The following SLIT3 variants were observed in gnomAD, a reference collection of about 807,000 sequenced individuals.
SLIT3 encodes the protein slit guidance ligand 3, also known as slit homolog 3 protein.
In SLIT3, 68 loss-of-function variants were observed where a neutral mutation model predicts 184.0. The observed-to-expected ratio is 0.37, with a 90% CI of 0.30 to 0.45. The LOEUF is 0.45. Among genes scored for constraint, SLIT3 ranks in the 20% least tolerant of loss-of-function variants. The pLI is 1.00. For synonymous variants in SLIT3, 831 were observed against 828.6 expected (o/e 1.00, Z -0.05); for missense variants, 1,707 against 2,026.0 (o/e 0.84, Z 3.02).
chr5:169,032,599 GTT>G (rs5873142), intron 4 of SLIT3, among the ~76,000 whole-genome samples: 5 of 110,446 alleles, frequency 4.5e-5, no homozygotes, highest in Admixed American at 1.7e-4. Context: ...TTTTAGTTTC[GTT>G]TTTTTTTTTT....
chr5:168,927,879 T>C (rs1581218464), intron 4 of SLIT3, among the ~76,000 whole-genome samples: 1 of 152,224 alleles, frequency 6.6e-6, no homozygotes, highest in African/African-American at 2.4e-5. Context: ...AACTGAGACA[T>C]GTTTAACAGC....
intron 4 of SLIT3, among the ~76,000 whole-genome samples, chr5:168,976,530 T>C (rs1203854979): frequency 6.6e-6 from 1 of 152,210 alleles, no homozygotes; most frequent in African/African-American, 2.4e-5. Flanking sequence ...ATAATTCAAC[T>C]AGCCTCGCTC....
At chr5:169,272,120 C>A (rs904139603) in intron 1 of SLIT3, among the ~76,000 whole-genome samples, 1 of 152,192 alleles carries the variant, frequency 6.6e-6, no homozygotes, top group African/African-American at 2.4e-5. Flanking sequence ...TGACTTCGTC[C>A]CTTCTCTCCA....
At chr5:168,813,153 A>G (rs1757217654) in intron 8 of SLIT3, among the ~76,000 whole-genome samples, 1 of 152,228 alleles carries the variant, frequency 6.6e-6, no homozygotes. Flanking sequence ...GTTCAAAGAC[A>G]TTCAAAGCAA....
At chr5:169,097,806 G>T (rs1318365307) in intron 4 of SLIT3, among the ~76,000 whole-genome samples, 1 of 152,144 alleles carries the variant, frequency 6.6e-6, no homozygotes, top group East Asian at 1.9e-4. Flanking sequence ...CTTCTCATCT[G>T]CCCTTTGTTA....
At chr5:168,725,287 T>G (rs1258972507) in intron 20 of SLIT3, among the ~76,000 whole-genome samples, 1 of 152,208 alleles carries the variant, frequency 6.6e-6, no homozygotes, top group Non-Finnish European at 1.5e-5. Context: ...GACTCAAGTG[T>G]GGCTTAAGAT....
At position 168,932,838 on chromosome 5, in the gene SLIT3, G is replaced by A. The variant is rs1032786399; in HGVS notation, c.414-49502C>T. On this transcript the variant is annotated intron_variant, in intron 4 of 35. Coordinates refer to ENST00000519560, the MANE Select transcript of SLIT3 (RefSeq NM_003062.4). ...CAGCCTAGGCTACGATTTGAGTATC[G>A]CCCCACCTACAGCTGAACATCGCAC... Among the ~76,000 whole-genome samples the A allele has an allele frequency of 3.9e-5, 6 of 152,310 alleles. No individual in the cohort carries two copies. In the South Asian group the frequency reaches 1.2e-3, roughly 32 times the overall value.
chr5:169,164,958 G>A (rs545838036), intron 4 of SLIT3, among the ~76,000 whole-genome samples: 1 of 152,354 alleles, frequency 6.6e-6, no homozygotes, highest in South Asian at 2.1e-4. Context: ...GCTTATTGCT[G>A]TGCCAATCTG....
chr5:168,797,975 C>A (rs1320767511), intron 9 of SLIT3, among the ~76,000 whole-genome samples: 1 of 152,094 alleles, frequency 6.6e-6, no homozygotes, highest in African/African-American at 2.4e-5. Flanking sequence ...CCAGGGCTCA[C>A]ACACAGAGAC....
intron 3 of SLIT3, among the ~76,000 whole-genome samples, chr5:169,207,088 CA>C (rs1322248577): frequency 6.7e-6 from 1 of 150,348 alleles, no homozygotes; most frequent in Non-Finnish European, 1.5e-5. Flanking sequence ...AAGGATTTCT[CA>C]ACCCTCTGGC....
At chr5:169,219,704 TG>T (rs1032942185) in intron 3 of SLIT3, among the ~76,000 whole-genome samples, 1 of 152,238 alleles carries the variant, frequency 6.6e-6, no homozygotes, top group Non-Finnish European at 1.5e-5. Context: ...TAGAAGCCAG[TG>T]GTGACACATT....
At chr5:168,929,194 A>G (rs1480853596) in intron 4 of SLIT3, among the ~76,000 whole-genome samples, 3 of 152,008 alleles carry the variant, frequency 2.0e-5, no homozygotes, top group Non-Finnish European at 4.4e-5. Context: ...GTGCTTCCCA[A>G]CTCTACCTTA....
At chr5:169,082,586 C>G (rs888995202) in intron 4 of SLIT3, among the ~76,000 whole-genome samples, 2 of 152,160 alleles carry the variant, frequency 1.3e-5, no homozygotes, top group East Asian at 1.9e-4. Flanking sequence ...GTGTGTGTGT[C>G]TCTCTCTTTC....
chr5:169,063,406 C>A (rs985414942), intron 4 of SLIT3, among the ~76,000 whole-genome samples: 2 of 152,224 alleles, frequency 1.3e-5, no homozygotes, highest in African/African-American at 4.8e-5. Flanking sequence ...AATGTCTCTA[C>A]CCCTTCAATC....
Position 168,786,514 on chromosome 5 carries a change from C to T in SLIT3, c.1080-536G>A, listed in dbSNP as rs555802420. Among the ~76,000 whole-genome samples the T allele has an allele frequency of 7.9e-5, 12 of 152,286 alleles. 1 individual carries two copies. The highest frequency in any genetic ancestry group is 6.8e-3 in the Middle Eastern group (2 of 294). On this transcript the variant is annotated intron_variant, in intron 11 of 35. Transcript: ENST00000519560. ...GACTGCTGAGTCAAGGACTGGCTCT[C>T]GGGAAAAACCAGGGAGCTTTGCTGT...
chr5:169,263,531 A>G (rs931367414), intron 1 of SLIT3: 10 of 413,218 alleles, frequency 2.4e-5, no homozygotes, highest in African/African-American at 2.2e-4. Flanking sequence ...TGACACCTCA[A>G]TTTCAGATTG....
chr5:168,746,739 TGCG>T (rs1335395287), intron 20 of SLIT3, among the ~76,000 whole-genome samples: 391 of 50,596 alleles, frequency 7.7e-3, no homozygotes, highest in Middle Eastern at 0.019. Flanking sequence ...TGTGGTGGTG[TGCG>T]GTGGTGTGGG....
intron 1 of SLIT3, among the ~76,000 whole-genome samples, chr5:169,299,144 T>C (rs1192265319): frequency 2.0e-5 from 3 of 152,224 alleles, no homozygotes; most frequent in Non-Finnish European, 2.9e-5. Flanking sequence ...TTTCGACATG[T>C]GTTAATAAAG....
At chr5:168,880,191 C>A (rs1300245233) in intron 5 of SLIT3, among the ~76,000 whole-genome samples, 1 of 152,218 alleles carries the variant, frequency 6.6e-6, no homozygotes, top group Non-Finnish European at 1.5e-5. Flanking sequence ...AGCCTCATCT[C>A]CTGCCCCGAC....
Sources: allele counts gnomAD v4.1 joint callset (sites outside exome capture counted in the v4.1 genomes callset), GRCh38; gene constraint gnomAD v4.1.1; transcripts MANE v1.5; gene names NCBI Gene and HGNC (gene_info 2026-07-23, HGNC 2026-07-21).